CCDC6: variants seen among roughly 807,000 people sequenced by gnomAD.
CCDC6 encodes coiled-coil domain containing 6.
A neutral mutation model predicts 56.6 loss-of-function variants in CCDC6; 20 were observed. The ratio of observed to expected loss-of-function variants is 0.35; its 90% confidence interval spans 0.25 to 0.51. The LOEUF is 0.51. CCDC6 is among the 20% of genes least tolerant of loss of function. The pLI, the probability that CCDC6 is intolerant of heterozygous loss-of-function variation, is 0.95. For missense variants in CCDC6, 367 were observed against 601.1 expected, an observed-to-expected ratio of 0.61 and a Z score of 4.07; for synonymous variants, 241 against 234.4, an observed-to-expected ratio of 1.03 and a Z score of -0.26.
intron 1 of CCDC6, among the ~76,000 whole-genome samples, chr10:59,892,633 A>G (rs1318885464): frequency 6.6e-6 from 1 of 151,564 alleles, no homozygotes; most frequent in Middle Eastern, 3.2e-3. Flanking sequence ...GTGGGGAAGT[A>G]CTAATAATAG....
At chr10:59,810,731 C>A (rs1031121269) in intron 5 of CCDC6, among the ~76,000 whole-genome samples, 5 of 151,840 alleles carry the variant, frequency 3.3e-5, no homozygotes, top group African/African-American at 9.7e-5. Context: ...GGAGTAAGCC[C>A]AGAAACCTGT....
chr10:59,848,086 C>T (rs184678990), intron 2 of CCDC6, among the ~76,000 whole-genome samples: 86 of 152,094 alleles, frequency 5.7e-4, no homozygotes, highest in Non-Finnish European at 7.4e-4. Flanking sequence ...TGAGTGTGCC[C>T]GTGTGCCCTG....
chr10:59,825,756 T>C (rs1380409516), intron 3 of CCDC6, among the ~76,000 whole-genome samples: 1 of 152,234 alleles, frequency 6.6e-6, no homozygotes, highest in Admixed American at 6.5e-5. Context: ...AAGGCCATCT[T>C]GTATCCTTAG....
intron 5 of CCDC6, among the ~76,000 whole-genome samples, chr10:59,809,181 T>C (rs1041744574): frequency 6.6e-5 from 10 of 152,242 alleles, no homozygotes; most frequent in Admixed American, 5.9e-4. Context: ...GAAGGGTGAC[T>C]GTCAGAGCAA....
At chr10:59,812,302 T>C (rs1392166474) in intron 5 of CCDC6, among the ~76,000 whole-genome samples, 1 of 152,144 alleles carries the variant, frequency 6.6e-6, no homozygotes, top group Non-Finnish European at 1.5e-5. Context: ...ATTTTGAAAG[T>C]GCTTTGAGGT....
At chr10:59,835,433 A>G (rs2070873631) in intron 2 of CCDC6, among the ~76,000 whole-genome samples, 1 of 152,238 alleles carries the variant, frequency 6.6e-6, no homozygotes, top group Admixed American at 6.5e-5. Flanking sequence ...AAAGCCTAAC[A>G]GAGCTCTCAA....
chr10:59,850,304 A>G (rs7920403), intron 2 of CCDC6, among the ~76,000 whole-genome samples: 66,199 of 152,004 alleles, frequency 0.44, 14,708 homozygotes, highest in African/African-American at 0.51. Flanking sequence ...TAACGCCACC[A>G]AATTGTACAC....
intron 1 of CCDC6, among the ~76,000 whole-genome samples, chr10:59,876,964 G>GTA (rs1441781682): frequency 6.6e-6 from 1 of 152,078 alleles, no homozygotes; most frequent in East Asian, 1.9e-4. Flanking sequence ...AGGCTATGTG[G>GTA]TATGGCCTAT....
rs925653551 is a variant in CCDC6 at position 59,885,050 on chromosome 10, C to T, written c.303+21072G>A. ...CCGCACTCCAGCCTGGGTGACAGAG[C>T]GAGACTCCGTAACAACAACAACAAC... On this transcript the variant is annotated intron_variant, in intron 1 of 8. Coordinates refer to ENST00000263102, the MANE Select transcript of CCDC6 (RefSeq NM_005436.5). Among the ~76,000 whole-genome samples the T allele has an allele frequency of 2.5e-4, 29 of 114,020 alleles. 1 individual carries two copies. Among genetic ancestry groups the T allele is most frequent in the African/African-American group, 3.9e-4 (11 of 28,366 alleles). The allele number at this position is 114,020 out of a possible 152,430, so 74.8% of individuals were successfully genotyped here. A position where few individuals can be genotyped will look rare whatever the true frequency, so the allele number is the denominator to read the frequency against.
At chr10:59,832,468 A>C (rs1223393898) in intron 3 of CCDC6, 57 bp downstream of exon 3, 2 of 1,541,120 alleles carry the variant, frequency 1.3e-6, no homozygotes, top group Non-Finnish European at 8.8e-7. Flanking sequence ...TTAAAGCTTA[A>C]AAGAACAAGC....
At chr10:59,897,416 G>C (rs1002952049) in intron 1 of CCDC6, among the ~76,000 whole-genome samples, 1 of 152,038 alleles carries the variant, frequency 6.6e-6, no homozygotes, top group East Asian at 1.9e-4. Flanking sequence ...ACCATGCCCA[G>C]CTAATTTTTT....
intron 5 of CCDC6, among the ~76,000 whole-genome samples, chr10:59,810,165 A>G (rs1589037021): frequency 6.6e-6 from 1 of 152,184 alleles, no homozygotes; most frequent in Non-Finnish European, 1.5e-5. Flanking sequence ...TCAAGCTTGG[A>G]GGGTGAGGAG....
intron 2 of CCDC6, among the ~76,000 whole-genome samples, chr10:59,833,042 TC>T (rs2070846947): frequency 6.6e-6 from 1 of 152,238 alleles, no homozygotes; most frequent in Non-Finnish European, 1.5e-5. Flanking sequence ...GGTAAATTAT[TC>T]AGAATGCTAT....
At position 59,793,130 on chromosome 10, in the gene CCDC6, C is replaced by T; in HGVS notation, c.1231-19G>A. 1 of 1,609,512 alleles carries T rather than the reference C, an allele frequency of 6.2e-7. No homozygotes were observed. The highest frequency in any genetic ancestry group is 1.1e-5 in the South Asian group (1 of 90,774). ...AAGGCCTCTGCAGAGGGGACAGGAACAGCAAGTCAGTCTAGGTACAGGTGG... is the reference window on the plus strand; with the variant it reads ...AAGGCCTCTGCAGAGGGGACAGGAATAGCAAGTCAGTCTAGGTACAGGTGG... On this transcript the variant is annotated intron_variant, in intron 8 of 8. Coordinates refer to ENST00000263102, the MANE Select transcript of CCDC6 (RefSeq NM_005436.5).
At chr10:59,814,556 T>A in intron 4 of CCDC6, 96 bp downstream of exon 4, 1 of 738,278 alleles carries the variant, frequency 1.4e-6, no homozygotes, top group South Asian at 1.7e-5. Context: ...CACCAAAGAA[T>A]TAAGGTGTCC....
Position 59,890,756 on chromosome 10 carries a change from A to G in CCDC6, c.303+15366T>C, listed in dbSNP as rs149434311. ...ATTTTCTTTTTATTATTATACTTTA[A>G]GTTCTAGGGTACATGTGCACAACGT... On this transcript the variant is annotated intron_variant, in intron 1 of 8. Transcript: ENST00000263102. 4.5e-3 allele frequency among the ~76,000 whole-genome samples: 684 copies of G among 151,858 alleles called. 8 individuals are homozygous for G. Among genetic ancestry groups the G allele is most frequent in the South Asian group, 0.037 (177 of 4,800 alleles).
At chr10:59,847,053 G>GA (rs1027125832) in intron 2 of CCDC6, among the ~76,000 whole-genome samples, 14 of 119,422 alleles carry the variant, frequency 1.2e-4, no homozygotes, top group African/African-American at 4.3e-4. Flanking sequence ...AGGGGAATTA[G>GA]AAAATTTTTT....
chr10:59,805,876 C>T (rs560136445), intron 6 of CCDC6, among the ~76,000 whole-genome samples: 8 of 152,100 alleles, frequency 5.3e-5, no homozygotes, highest in Non-Finnish European at 7.4e-5. Context: ...TGATCAACAG[C>T]GTTGTTAGTC....
At chr10:59,847,377 G>A (rs1214917654) in intron 2 of CCDC6, among the ~76,000 whole-genome samples, 2 of 151,960 alleles carry the variant, frequency 1.3e-5, no homozygotes, top group Non-Finnish European at 2.9e-5. Flanking sequence ...TAAATGAAAA[G>A]AAGTTTTACA....
Sources: gnomAD v4.1 joint callset for allele counts (sites outside exome capture counted in the v4.1 genomes callset) on GRCh38, gnomAD v4.1.1 for gene constraint, MANE v1.5 for transcripts, NCBI Gene and HGNC (gene_info 2026-07-23, HGNC 2026-07-21) for gene names.